Variants in NPAS3 observed in about 807,000 individuals in gnomAD.
NPAS3 encodes the protein neuronal PAS domain protein 3, also known as neuronal PAS domain-containing protein 3.
In NPAS3, 14 loss-of-function variants were observed where a neutral mutation model predicts 73.1. The observed-to-expected ratio is 0.19, with a 90% confidence interval of 0.13 to 0.30. NPAS3 has a LOEUF of 0.30. Ranked by LOEUF, NPAS3 falls within the 10% of genes least tolerant of loss-of-function variation. The pLI, the probability that NPAS3 is intolerant of heterozygous loss-of-function variation, is 1.00. For missense variants in NPAS3, 1,096 were observed against 1,250.0 expected, an observed-to-expected ratio of 0.88 and a Z score of 1.86; for synonymous variants, 620 against 541.5, an observed-to-expected ratio of 1.14 and a Z score of -2.01.
chr14:33,189,733 G>A (rs548039752), intron 2 of NPAS3, among the ~76,000 whole-genome samples: 20 of 152,186 alleles, frequency 1.3e-4, no homozygotes, highest in East Asian at 3.9e-4. Flanking sequence ...CCTTTGTAAC[G>A]TTCATATGAA....
At chr14:33,650,559 G>A (rs2058962227) in intron 5 of NPAS3, among the ~76,000 whole-genome samples, 1 of 152,206 alleles carries the variant, frequency 6.6e-6, no homozygotes, top group East Asian at 1.9e-4. Context: ...CAAGTGATCT[G>A]TCACTGTTCC....
chr14:33,155,171 G>A (rs1262072377), intron 2 of NPAS3, among the ~76,000 whole-genome samples: 1 of 152,218 alleles, frequency 6.6e-6, no homozygotes, highest in African/African-American at 2.4e-5. Context: ...CTTGTGCCAA[G>A]TGTCAGCTGT....
At chr14:33,592,897 T>C (rs1282291185) in intron 5 of NPAS3, among the ~76,000 whole-genome samples, 1 of 152,176 alleles carries the variant, frequency 6.6e-6, no homozygotes, top group Non-Finnish European at 1.5e-5. Flanking sequence ...AGCAGATTAC[T>C]ATGTTTTCTT....
chr14:33,719,409 A>G (rs1441266574), intron 6 of NPAS3, among the ~76,000 whole-genome samples: 3 of 152,152 alleles, frequency 2.0e-5, no homozygotes, highest in Non-Finnish European at 4.4e-5. Context: ...GAAAGCTTAC[A>G]TTTACTTGGT....
chr14:33,333,929 T>A, intron 3 of NPAS3, among the ~76,000 whole-genome samples: 1 of 152,148 alleles, frequency 6.6e-6, no homozygotes, highest in East Asian at 1.9e-4. Context: ...CTCTTTTAGA[T>A]AGGATATGTG....
intron 1 of NPAS3, among the ~76,000 whole-genome samples, chr14:32,974,069 T>A (rs1164035519): frequency 6.6e-6 from 1 of 152,236 alleles, no homozygotes; most frequent in Non-Finnish European, 1.5e-5. Context: ...GGTCAGTTAA[T>A]AATGAGGAAT....
intron 6 of NPAS3, among the ~76,000 whole-genome samples, chr14:33,687,860 G>C (rs745810677): frequency 6.6e-6 from 1 of 152,150 alleles, no homozygotes; most frequent in African/African-American, 2.4e-5. Flanking sequence ...AGAACCTGTA[G>C]CCACATAAAC....
At chr14:33,466,495 CG>C (rs918413620) in intron 4 of NPAS3, among the ~76,000 whole-genome samples, 8 of 152,292 alleles carry the variant, frequency 5.3e-5, no homozygotes, top group Non-Finnish European at 1.2e-4. Flanking sequence ...TTTGAGAAGA[CG>C]TGGGAAGACT....
chr14:33,357,917 G>C (rs1428577256), intron 3 of NPAS3, among the ~76,000 whole-genome samples: 1 of 152,170 alleles, frequency 6.6e-6, no homozygotes, highest in Admixed American at 6.5e-5. Flanking sequence ...ATTTGTCTAA[G>C]ACCACCCAGC....
At chr14:32,950,644 C>T (rs888030677) in intron 1 of NPAS3, among the ~76,000 whole-genome samples, 3 of 152,092 alleles carry the variant, frequency 2.0e-5, no homozygotes, top group Admixed American at 2.0e-4. Flanking sequence ...AATAATCTTC[C>T]CACATCTTTG....
rs550130491 is a variant in NPAS3, at chr14:33,055,763, G to A, written c.51-142G>A. On this transcript the variant is annotated intron_variant, in intron 1 of 11. Transcript: ENST00000356141. Reference sequence around the variant, plus strand: ...AAAGTGGAAGTTAATGTTCTAAAATGTATGTACACATTGCAATTGTGTGTA... The same window carrying A: ...AAAGTGGAAGTTAATGTTCTAAAATATATGTACACATTGCAATTGTGTGTA... 6.8e-4 allele frequency: 372 copies of A among 545,662 alleles called. 1 individual carries two copies. Among genetic ancestry groups the A allele is most frequent in the South Asian group, 1.6e-3 (55 of 35,180 alleles). The allele number at this position is 545,662 out of a possible 1,614,324, so 33.8% of individuals were successfully genotyped here.
intron 2 of NPAS3, among the ~76,000 whole-genome samples, chr14:33,207,423 A>T (rs544080988): frequency 7.9e-5 from 12 of 152,268 alleles, no homozygotes; most frequent in African/African-American, 2.4e-4. Context: ...GAACTGATTG[A>T]TTTAATGTAC....
chr14:33,502,272 A>AT (rs34556992), intron 4 of NPAS3, among the ~76,000 whole-genome samples: 36,144 of 149,620 alleles, frequency 0.24, 4,812 homozygotes, highest in East Asian at 0.47. Context: ...GCTCTCCCCC[A>AT]TTTTTTTTTT....
At chr14:33,241,176 G>T (rs243287) in intron 3 of NPAS3, among the ~76,000 whole-genome samples, 62,447 of 151,688 alleles carry the variant, frequency 0.41, 13,483 homozygotes, top group South Asian at 0.6. Context: ...TATGCCTGGT[G>T]AACTCTGATT....
rs577267313 is a variant in NPAS3, at chr14:33,536,490, T to C, written c.469-23631T>C. 5.9e-5 allele frequency among the ~76,000 whole-genome samples: 9 copies of C among 152,308 alleles called. No homozygotes were observed. The South Asian group carries it at 1.9e-3, about 32-fold the overall frequency. On this transcript the variant is annotated intron_variant, in intron 4 of 11. Transcript: ENST00000356141. ...AAAAATATTATCATGATTTGTGTTA[T>C]AACACTGGAGTCAGAACTAATACGA...
At chr14:33,428,274 CT>C (rs1472170640) in intron 4 of NPAS3, among the ~76,000 whole-genome samples, 1 of 151,974 alleles carries the variant, frequency 6.6e-6, no homozygotes, top group African/African-American at 2.4e-5. Context: ...CTTTGGTGTC[CT>C]TCATCTGTAC....
At chr14:33,368,797 C>A (rs115333798) in intron 4 of NPAS3, among the ~76,000 whole-genome samples, 2 of 152,136 alleles carry the variant, frequency 1.3e-5, no homozygotes. Context: ...TTCTCTTACA[C>A]ACATGTTGTT....
intron 4 of NPAS3, among the ~76,000 whole-genome samples, chr14:33,510,892 A>C (rs1307633295): frequency 6.6e-6 from 1 of 151,980 alleles, no homozygotes; most frequent in Non-Finnish European, 1.5e-5. Context: ...ATGTTGAATG[A>C]TCTTTTTTCC....
intron 7 of NPAS3, among the ~76,000 whole-genome samples, chr14:33,764,006 G>A (rs935678581): frequency 2.0e-5 from 3 of 152,020 alleles, no homozygotes; most frequent in Non-Finnish European, 4.4e-5. Flanking sequence ...ACTTCCCTAG[G>A]GCTGGTCTAC....
Sources: gnomAD v4.1 joint callset for allele counts (sites outside exome capture counted in the v4.1 genomes callset) on GRCh38, gnomAD v4.1.1 for gene constraint, MANE v1.5 for transcripts, NCBI Gene and HGNC (gene_info 2026-07-23, HGNC 2026-07-21) for gene names.